ARHGAP15: variants seen among roughly 807,000 people sequenced by gnomAD.
ARHGAP15 encodes Rho GTPase activating protein 15.
In ARHGAP15, 51 loss-of-function variants were observed where a neutral mutation model predicts 63.7. The observed-to-expected ratio is 0.80, with a 90% CI of 0.64 to 1.01. ARHGAP15 has a LOEUF of 1.01. Among genes scored for constraint, ARHGAP15 ranks in the 50% least tolerant of loss-of-function variants. ARHGAP15 has a pLI of 0.00. For missense variants in ARHGAP15, 560 were observed against 564.6 expected (o/e 0.99, Z 0.08); for synonymous variants, 191 against 193.8 (o/e 0.99, Z 0.12).
At chr2:143,495,055 T>A (rs902534465) in intron 9 of ARHGAP15, among the ~76,000 whole-genome samples, 3 of 152,228 alleles carry the variant, frequency 2.0e-5, no homozygotes, top group African/African-American at 7.2e-5. Context: ...CTTTCTTCTT[T>A]ATGAAATTTA....
intron 6 of ARHGAP15, among the ~76,000 whole-genome samples, chr2:143,385,690 A>C (rs1005553292): frequency 6.6e-6 from 1 of 152,166 alleles, no homozygotes. Context: ...CTCAGATATC[A>C]AGCTAGTAGG....
chr2:143,534,458 C>G lies in ARHGAP15; in HGVS notation c.925+15094C>G, dbSNP rs78686526. Among the ~76,000 whole-genome samples, 311 of 152,224 alleles carry G rather than the reference C, an allele frequency of 2.0e-3. 9 individuals are homozygous for G. The East Asian group carries it at 0.045, about 22-fold the overall frequency. Reference sequence around the variant, plus strand: ...ACAGTAAAACTGCAGGAGAGTGATACGGTGAGAGAAGTACCTGTATTCTCT... The same window carrying G: ...ACAGTAAAACTGCAGGAGAGTGATAGGGTGAGAGAAGTACCTGTATTCTCT... On this transcript the variant is annotated intron_variant, in intron 10 of 13. Transcript: ENST00000295095.
rs113414334 is a variant in ARHGAP15, at chr2:143,261,540, G to A, written c.474+10940G>A. On this transcript the variant is annotated intron_variant, in intron 6 of 13. Coordinates refer to ENST00000295095, the MANE Select transcript of ARHGAP15 (RefSeq NM_018460.4). ...TTTTTAATATTTTTAGTAGAGACGGGGTTTCACCATGTTGGCCAAGCTGGT... is the reference window on the plus strand; with the variant it reads ...TTTTTAATATTTTTAGTAGAGACGGAGTTTCACCATGTTGGCCAAGCTGGT... Among the ~76,000 whole-genome samples, 77 of 151,262 alleles carry A rather than the reference G, an allele frequency of 5.1e-4. 1 individual carries two copies. Among genetic ancestry groups the A allele is most frequent in the Admixed American group, 4.6e-4 (7 of 15,162 alleles).
chr2:143,150,765 A>G (rs1689783200), intron 1 of ARHGAP15, among the ~76,000 whole-genome samples: 1 of 152,016 alleles, frequency 6.6e-6, no homozygotes, highest in South Asian at 2.1e-4. Flanking sequence ...AACACAAGGC[A>G]TCAAAGTTTT....
chr2:143,596,940 T>C (rs1294809361), intron 11 of ARHGAP15, among the ~76,000 whole-genome samples: 3 of 152,134 alleles, frequency 2.0e-5, no homozygotes, highest in African/African-American at 7.2e-5. Context: ...TCATAACTAA[T>C]CATTTATTCA....
At chr2:143,602,275 G>A (rs999180115) in intron 11 of ARHGAP15, among the ~76,000 whole-genome samples, 1 of 152,182 alleles carries the variant, frequency 6.6e-6, no homozygotes, top group Non-Finnish European at 1.5e-5. Flanking sequence ...GCCCTGGAGT[G>A]AAGCAATTGA....
intron 4 of ARHGAP15, among the ~76,000 whole-genome samples, chr2:143,216,832 A>G (rs1692775902): frequency 6.6e-6 from 1 of 152,228 alleles, no homozygotes; most frequent in South Asian, 2.1e-4. Context: ...GAAGATTTGA[A>G]CCACTTTTGT....
intron 10 of ARHGAP15, among the ~76,000 whole-genome samples, chr2:143,524,995 C>T (rs912454170): frequency 2.0e-5 from 3 of 152,118 alleles, no homozygotes; most frequent in African/African-American, 4.8e-5. Context: ...GAGATCCTAC[C>T]GAGTGCTTAC....
intron 1 of ARHGAP15, among the ~76,000 whole-genome samples, chr2:143,138,344 G>A (rs1425935783): frequency 6.6e-6 from 1 of 151,992 alleles, no homozygotes; most frequent in African/African-American, 2.4e-5. Flanking sequence ...ACATAGATCT[G>A]GGTAATGCAA....
intron 8 of ARHGAP15, among the ~76,000 whole-genome samples, chr2:143,471,141 ATG>A (rs748592057): frequency 2.5e-4 from 37 of 146,530 alleles, no homozygotes; most frequent in East Asian, 1.2e-3. Context: ...GTATACACAC[ATG>A]TGTGTGTATA....
intron 6 of ARHGAP15, chr2:143,295,511 C>T (rs1682595998): frequency 6.6e-6 from 1 of 152,000 alleles, no homozygotes; most frequent in Non-Finnish European, 1.5e-5. Context: ...TCAGAAAAGG[C>T]TGTAATCACC....
chr2:143,595,543 G>A (rs1434784589), intron 11 of ARHGAP15, among the ~76,000 whole-genome samples: 1 of 152,006 alleles, frequency 6.6e-6, no homozygotes, highest in Non-Finnish European at 1.5e-5. Context: ...CACTAGAATA[G>A]GATTCCTAAA....
intron 8 of ARHGAP15, among the ~76,000 whole-genome samples, chr2:143,453,677 A>T (rs1690511563): frequency 6.6e-6 from 1 of 151,920 alleles, no homozygotes; most frequent in African/African-American, 2.4e-5. Flanking sequence ...AAGGCTATAA[A>T]CTTCCTGAAC....
At chr2:143,461,348 T>C (rs189812949) in intron 8 of ARHGAP15, among the ~76,000 whole-genome samples, 11 of 148,110 alleles carry the variant, frequency 7.4e-5, no homozygotes, top group African/African-American at 2.7e-4. Flanking sequence ...CTTAAACAAT[T>C]TCTTTTGATG....
At chr2:143,497,167 G>C (rs1156846188) in intron 9 of ARHGAP15, among the ~76,000 whole-genome samples, 1 of 152,112 alleles carries the variant, frequency 6.6e-6, no homozygotes, top group Non-Finnish European at 1.5e-5. Context: ...CTCAAATCTT[G>C]TGTGTGTGTG....
intron 6 of ARHGAP15, among the ~76,000 whole-genome samples, chr2:143,413,968 C>CGTGT (rs1372502803): frequency 3.2e-5 from 1 of 31,090 alleles, no homozygotes; most frequent in Non-Finnish European, 6.8e-5. Flanking sequence ...TGTGTGTGTG[C>CGTGT]GCGCTCTCTG....
intron 2 of ARHGAP15, among the ~76,000 whole-genome samples, chr2:143,198,650 TA>T (rs1181963179): frequency 6.6e-6 from 1 of 152,074 alleles, no homozygotes; most frequent in African/African-American, 2.4e-5. Flanking sequence ...CTGCTTTAAA[TA>T]AAAGCTTTCT....
chr2:143,710,913 A>G (rs1036561599), intron 13 of ARHGAP15, among the ~76,000 whole-genome samples: 2 of 152,222 alleles, frequency 1.3e-5, no homozygotes, highest in Admixed American at 1.3e-4. Flanking sequence ...ATATTTGTGA[A>G]AATGTTTGGT....
At chr2:143,734,890 G>A (rs1224533925) in intron 13 of ARHGAP15, among the ~76,000 whole-genome samples, 1 of 152,120 alleles carries the variant, frequency 6.6e-6, no homozygotes, top group African/African-American at 2.4e-5. Flanking sequence ...TAAACATGGT[G>A]GGGGGTATTC....
Sources: allele counts gnomAD v4.1 joint callset (sites outside exome capture counted in the v4.1 genomes callset), GRCh38; gene constraint gnomAD v4.1.1; transcripts MANE v1.5; gene names NCBI Gene and HGNC (gene_info 2026-07-23, HGNC 2026-07-21).